The following OR8D1 variants were observed in gnomAD, a reference collection of about 807,000 sequenced individuals.
OR8D1 encodes olfactory receptor family 8 subfamily D member 1.
For synonymous variants in OR8D1, 143 were observed against 147.0 expected (o/e 0.97, Z 0.20); for missense variants, 384 against 366.8 (o/e 1.05, Z -0.38).
intron 2 of OR8D1, 115 bp from the exon 3 acceptor site, chr11:124,310,897 A>G (rs983217471): frequency 2.6e-5 from 17 of 650,200 alleles, no homozygotes; most frequent in Non-Finnish European, 3.9e-5. Context: ...CATAGTTTTC[A>G]TTGTCTCTAA....
In OR8D1 at chr11:124,307,756, G is replaced by T. The variant is rs1862379869; in HGVS notation, c.*2084C>A. ...GACACAGGGGATGGGATAATAATTG[G>T]TTATTTTCACAGTTTTCCAGCTTGT... On this transcript the variant is annotated 3_prime_UTR_variant, in exon 3 of 3. Coordinates refer to ENST00000641015, the MANE Select transcript of OR8D1 (RefSeq NM_001002917.2). 6.6e-6 allele frequency: 1 copy of T among 152,018 alleles called. No homozygotes were observed. Among genetic ancestry groups the T allele is most frequent in the Non-Finnish European group, 1.5e-5 (1 of 67,970 alleles). The allele number at this position is 152,018 out of a possible 1,614,324, so 9.4% of individuals were successfully genotyped here. A position where few individuals can be genotyped will look rare whatever the true frequency, so the allele number is the denominator to read the frequency against.
In OR8D1 at chr11:124,310,512, G is replaced by A; in HGVS notation, c.255C>T (p.Phe85=). The stretch of plus-strand genomic sequence containing the variant: ...AAAGGATTGTATTCTTCTTTCCTAG[G>A]AAGTTCACCAGCATTTTGGGAGTAA... The part of the protein sequence containing the change: ...SVITPKMLVN[F]LGKKNTILYS... The change falls in exon 3 of 3, where the codon TTC becomes TTT. Residue 85 remains phenylalanine, a synonymous_variant. Coordinates refer to ENST00000641015, the MANE Select transcript of OR8D1 (RefSeq NM_001002917.2). 1 of 1,613,790 alleles carries A rather than the reference G, an allele frequency of 6.2e-7. No homozygotes were observed. Among genetic ancestry groups the A allele is most frequent in the South Asian group, 1.1e-5 (1 of 91,076 alleles).
At position 124,306,439 on chromosome 11, in the gene OR8D1, A is replaced by G. The variant is rs1291227212; in HGVS notation, c.*3401T>C. 6.7e-6 allele frequency: 1 copy of G among 149,822 alleles called. No individual in the cohort carries two copies. Among genetic ancestry groups the G allele is most frequent in the Non-Finnish European group, 1.5e-5 (1 of 67,484 alleles). 9.3% of individuals were successfully genotyped at this position (149,822 alleles called of 1,614,324 possible). On this transcript the variant is annotated 3_prime_UTR_variant, in exon 3 of 3. Transcript: ENST00000641015. ...ATAATATTCACAGTGAAACTTCTGC[A>G]TACTTTTCTATGGGATATTAATCTT...
At position 124,306,565 on chromosome 11, in the gene OR8D1, A is replaced by G. The variant is rs1265410367; in HGVS notation, c.*3275T>C. On this transcript the variant is annotated 3_prime_UTR_variant, in exon 3 of 3. Coordinates refer to ENST00000641015, the MANE Select transcript of OR8D1 (RefSeq NM_001002917.2). ...TCCTTATTTTCCCTTCTGTAGTAAG[A>G]CAAAAACATCCTAATAGTGTGCTGA... The G allele has an allele frequency of 6.6e-6, 1 of 151,824 alleles. No homozygotes were observed. The highest frequency in any genetic ancestry group is 1.5e-5 in the Non-Finnish European group (1 of 67,906). 9.4% of individuals were successfully genotyped at this position (151,824 alleles called of 1,614,324 possible).
At position 124,304,050 on chromosome 11, in the gene OR8D1, G is replaced by A. The variant is rs1223245581; in HGVS notation, c.*5790C>T. The A allele has an allele frequency of 6.6e-6, 1 of 151,912 alleles. No individual in the cohort carries two copies. The highest frequency in any genetic ancestry group is 1.5e-5 in the Non-Finnish European group (1 of 67,936). The allele number at this position is 151,912 out of a possible 1,614,324, so 9.4% of individuals were successfully genotyped here. On this transcript the variant is annotated 3_prime_UTR_variant, in exon 3 of 3. Transcript: ENST00000641015. Reference sequence around the variant, plus strand: ...CACATTCATTCATTACAATATAATAGTTCAGTAGTTACAATGGAATCCTTA... The same window carrying A: ...CACATTCATTCATTACAATATAATAATTCAGTAGTTACAATGGAATCCTTA...
intron 1 of OR8D1, among the ~76,000 whole-genome samples, chr11:124,313,006 T>C (rs1433169709): frequency 6.6e-6 from 1 of 151,518 alleles, no homozygotes; most frequent in Non-Finnish European, 1.5e-5. Flanking sequence ...AAACCCTGTC[T>C]CTACTAAAAA....
At position 124,307,599 on chromosome 11, in the gene OR8D1, A is replaced by G. The variant is rs981659624; in HGVS notation, c.*2241T>C. Reference sequence around the variant, plus strand: ...GCTGGATAGTTTGAGCAACCTTAGCAACTGCGAAAGCCACTTAAGAATCAG... The same window carrying G: ...GCTGGATAGTTTGAGCAACCTTAGCGACTGCGAAAGCCACTTAAGAATCAG... On this transcript the variant is annotated 3_prime_UTR_variant, in exon 3 of 3. Coordinates refer to ENST00000641015, the MANE Select transcript of OR8D1 (RefSeq NM_001002917.2). The G allele has an allele frequency of 2.0e-5, 3 of 152,172 alleles. No individual in the cohort carries two copies. Among genetic ancestry groups the G allele is most frequent in the African/African-American group, 7.2e-5 (3 of 41,452 alleles). The allele number at this position is 152,172 out of a possible 1,614,324, so 9.4% of individuals were successfully genotyped here.
At position 124,306,442 on chromosome 11, in the gene OR8D1, C is replaced by T. The variant is rs894494242; in HGVS notation, c.*3398G>A. The T allele has an allele frequency of 1.8e-4, 27 of 149,362 alleles. No homozygotes were observed. The highest frequency in any genetic ancestry group is 8.9e-5 in the Non-Finnish European group (6 of 67,444). 9.3% of individuals were successfully genotyped at this position (149,362 alleles called of 1,614,324 possible). A position where few individuals can be genotyped will look rare whatever the true frequency, so the allele number is the denominator to read the frequency against. On this transcript the variant is annotated 3_prime_UTR_variant, in exon 3 of 3. Transcript: ENST00000641015. ...ATATTCACAGTGAAACTTCTGCATA[C>T]TTTTCTATGGGATATTAATCTTTTT...
Position 124,310,485 on chromosome 11 carries a change from G to C in OR8D1, c.282C>G (p.Tyr94Ter), listed in dbSNP as rs1033853757. The C allele has an allele frequency of 4.3e-6, 7 of 1,613,694 alleles. No homozygotes were observed. In the Admixed American group the frequency reaches 5.0e-5, roughly 12 times the overall value. ...NFLGKKNTIL[Y>*]SECMVQLFFF... ...AAAAGAGCTGGACCATGCACTCAGAGTAAAGGATTGTATTCTTCTTTCCTA... is the reference window on the plus strand; with the variant it reads ...AAAAGAGCTGGACCATGCACTCAGACTAAAGGATTGTATTCTTCTTTCCTA... The change falls in exon 3 of 3, where the codon TAC becomes TAG. Residue 94 changes from tyrosine (Y) to a stop codon, truncating the protein, a stop_gained. Transcript: ENST00000641015. LOFTEE classifies it low-confidence loss of function (END_TRUNC).
chr11:124,313,600 A>T (rs2428298), intron 1 of OR8D1, 121 bp downstream of exon 1: 1 of 152,050 alleles, frequency 6.6e-6, no homozygotes, highest in Non-Finnish European at 1.5e-5. Flanking sequence ...AGGAGAGAAC[A>T]GTGGGGCAGG....
Position 124,305,796 on chromosome 11 carries a change from CT to C in OR8D1, c.*4043del, listed in dbSNP as rs1394695695. On this transcript the variant is annotated 3_prime_UTR_variant, in exon 3 of 3. Coordinates refer to ENST00000641015, the MANE Select transcript of OR8D1 (RefSeq NM_001002917.2). ...ACACAAAAATAATGTTAAAACACCC[CT>C]AAAACATTATCCTCATTTATTTTAT... The C allele has an allele frequency of 6.6e-6, 1 of 151,828 alleles. No individual in the cohort carries two copies. Among genetic ancestry groups the C allele is most frequent in the Non-Finnish European group, 1.5e-5 (1 of 67,850 alleles). 9.4% of individuals were successfully genotyped at this position (151,828 alleles called of 1,614,324 possible).
At position 124,304,626 on chromosome 11, in the gene OR8D1, G is replaced by A. The variant is rs1295373957; in HGVS notation, c.*5214C>T. On this transcript the variant is annotated 3_prime_UTR_variant, in exon 3 of 3. Transcript: ENST00000641015. The stretch of plus-strand genomic sequence containing the variant: ...CTTTTAAATTTTAACCCTTCTAGTG[G>A]GTGTGTAATGGTATCTCTTCATGGT... 2.6e-5 allele frequency: 4 copies of A among 151,678 alleles called. No individual in the cohort carries two copies. Among genetic ancestry groups the A allele is most frequent in the Admixed American group, 1.3e-4 (2 of 15,194 alleles). 9.4% of individuals were successfully genotyped at this position (151,678 alleles called of 1,614,324 possible).
chr11:124,309,602 A>C lies in OR8D1; in HGVS notation c.*238T>G. 1 of 249,410 alleles carries C rather than the reference A, an allele frequency of 4.0e-6. No individual in the cohort carries two copies. Among genetic ancestry groups the C allele is most frequent in the Non-Finnish European group, 7.6e-6 (1 of 131,778 alleles). The allele number at this position is 249,410 out of a possible 1,614,324, so 15.4% of individuals were successfully genotyped here. A position where few individuals can be genotyped will look rare whatever the true frequency, so the allele number is the denominator to read the frequency against. On this transcript the variant is annotated 3_prime_UTR_variant, in exon 3 of 3. Coordinates refer to ENST00000641015, the MANE Select transcript of OR8D1 (RefSeq NM_001002917.2). Reference sequence around the variant, plus strand: ...TCATGTCTTTTCTATCACAATTGGTAAAAGAAATTAAAACTACCTAGACCT... The same window carrying C: ...TCATGTCTTTTCTATCACAATTGGTCAAAGAAATTAAAACTACCTAGACCT...
At chr11:124,312,584 C>T (rs1862432166) in intron 1 of OR8D1, among the ~76,000 whole-genome samples, 1 of 147,892 alleles carries the variant, frequency 6.8e-6, no homozygotes, top group African/African-American at 2.5e-5. Context: ...ATGGCGCCAT[C>T]TCGGCTCATT....
chr11:124,310,287 T>G lies in OR8D1; in HGVS notation c.480A>C (p.Thr160=). 1 of 1,613,692 alleles carries G rather than the reference T, an allele frequency of 6.2e-7. No individual in the cohort carries two copies. The highest frequency in any genetic ancestry group is 1.1e-5 in the South Asian group (1 of 91,068). Residue 160 remains threonine (T), a synonymous_variant, in exon 3 of 3, where the codon ACA becomes ACC. Coordinates refer to ENST00000641015, the MANE Select transcript of OR8D1 (RefSeq NM_001002917.2). ...AAAAGGACAGTTTCATCATGGCACTTGTATGAGTCAAGGCAGAGAGAAAGC... is the reference window on the plus strand; with the variant it reads ...AAAAGGACAGTTTCATCATGGCACTGGTATGAGTCAAGGCAGAGAGAAAGC... ...FLGFLSALTH[T]SAMMKLSFCK...
intron 2 of OR8D1, 127 bp from the exon 3 acceptor site, chr11:124,310,909 C>T (rs1169544180): frequency 4.9e-6 from 3 of 615,306 alleles, no homozygotes; most frequent in Non-Finnish European, 8.4e-6. Context: ...TGTCTCTAAA[C>T]TTGATACCTC....
At chr11:124,313,125 G>T (rs182307182) in intron 1 of OR8D1, among the ~76,000 whole-genome samples, 1 of 151,484 alleles carries the variant, frequency 6.6e-6, no homozygotes, top group African/African-American at 2.4e-5. Flanking sequence ...AATGAGCCAA[G>T]ATCGTGACAC....
chr11:124,310,474 A>C lies in OR8D1; in HGVS notation c.293T>G (p.Met98Arg). Residue 98 changes from methionine to arginine, a missense_variant, in exon 3 of 3, where the codon ATG (methionine) becomes AGG (arginine). Met to Arg is a moderately conservative substitution (Grantham distance 91). Transcript: ENST00000641015. ...KKNTILYSECMVQLFFFVVFV... is the reference protein window; with the variant it reads ...KKNTILYSECRVQLFFFVVFV... ...GACCACAAAGAAAAAGAGCTGGACC[A>C]TGCACTCAGAGTAAAGGATTGTATT... 1 of 1,613,772 alleles carries C rather than the reference A, an allele frequency of 6.2e-7. No homozygotes were observed. Among genetic ancestry groups the C allele is most frequent in the East Asian group, 2.2e-5 (1 of 44,706 alleles).
chr11:124,310,087 T>G lies in OR8D1; in HGVS notation c.680A>C (p.His227Pro). 6.2e-7 allele frequency: 1 copy of G among 1,613,462 alleles called. No individual in the cohort carries two copies. Among genetic ancestry groups the G allele is most frequent in the Non-Finnish European group, 8.5e-7 (1 of 1,179,742 alleles). The change falls in exon 3 of 3, where the codon CAC becomes CCC. Residue 227 changes from histidine (H) to proline (P), a missense_variant. His to Pro is a moderately conservative substitution (Grantham distance 77, BLOSUM62 -2). Coordinates refer to ENST00000641015, the MANE Select transcript of OR8D1 (RefSeq NM_001002917.2). Reference protein sequence around the residue: ...SYAFILYSILHIRSSEGRSKA... With the variant: ...SYAFILYSILPIRSSEGRSKA... The stretch of plus-strand genomic sequence containing the variant: ...GGACCGGCCCTCTGAGGAGCGGATG[T>G]GAAGGATGCTGTAGAGGATGAAGGC...
Sources: gnomAD v4.1 joint callset for allele counts (sites outside exome capture counted in the v4.1 genomes callset) on GRCh38, gnomAD v4.1.1 for gene constraint, MANE v1.5 for transcripts, NCBI Gene and HGNC (gene_info 2026-07-23, HGNC 2026-07-21) for gene names.